Variants in SIPA1L1 observed in about 807,000 individuals in gnomAD.
The protein encoded by SIPA1L1 is signal-induced proliferation-associated 1-like protein 1.
Under a neutral mutation model 162.7 loss-of-function variants are expected in SIPA1L1, and 26 were observed. The ratio of observed to expected loss-of-function variants is 0.16; its 90% CI spans 0.12 to 0.22. The LOEUF (loss-of-function observed/expected upper bound fraction) is 0.22, where lower values mean the gene tolerates loss of function less well. Among genes scored for constraint, SIPA1L1 ranks in the 10% least tolerant of loss-of-function variants. SIPA1L1 has a pLI of 1.00. For missense variants in SIPA1L1, 1,874 were observed against 2,241.0 expected, an observed-to-expected ratio of 0.84 and a Z score of 3.31; for synonymous variants, 829 against 837.4, an observed-to-expected ratio of 0.99 and a Z score of 0.17.
intron 13 of SIPA1L1, among the ~76,000 whole-genome samples, chr14:71,691,025 C>G (rs1340792451): frequency 6.6e-6 from 1 of 152,204 alleles, no homozygotes; most frequent in African/African-American, 2.4e-5. Flanking sequence ...ACCTGAGTAT[C>G]CAGAGCAGAA....
intron 2 of SIPA1L1, among the ~76,000 whole-genome samples, chr14:71,486,429 A>T (rs969704258): frequency 6.6e-6 from 1 of 152,244 alleles, no homozygotes; most frequent in Non-Finnish European, 1.5e-5. Context: ...AAAGGAAAAC[A>T]GGCAAATGAG....
chr14:71,620,552 A>G (rs746232939), intron 6 of SIPA1L1, among the ~76,000 whole-genome samples: 6 of 151,932 alleles, frequency 3.9e-5, no homozygotes, highest in Non-Finnish European at 8.8e-5. Flanking sequence ...CCTATCCTTC[A>G]TGCCAGAGGT....
intron 2 of SIPA1L1, among the ~76,000 whole-genome samples, chr14:71,395,396 A>G (rs926452383): frequency 6.6e-5 from 10 of 152,150 alleles, no homozygotes; most frequent in African/African-American, 2.4e-4. Context: ...TGTGGTGGCC[A>G]TGTCTGTAAA....
Position 71,730,207 on chromosome 14 carries a change from C to T in SIPA1L1, c.4767C>T (p.Pro1589=). 1.9e-6 allele frequency: 3 copies of T among 1,614,170 alleles called. No individual in the cohort carries two copies. The highest frequency in any genetic ancestry group is 2.5e-6 in the Non-Finnish European group (3 of 1,180,028). The change falls in exon 20 of 24, where the codon CCC becomes CCT. Residue 1589 remains proline (P), a synonymous_variant. Transcript: ENST00000381232. ...SRASLLDQAL[P]NDVLFSSTYP... ...CGTCACTTCTGGACCAAGCCCTGCC[C>T]AACGACGTCCTCTTCAGTAGCACGT... is the stretch of plus-strand genomic sequence containing the variant.
At chr14:71,695,245 A>C (rs1192058602) in intron 13 of SIPA1L1, among the ~76,000 whole-genome samples, 2 of 152,208 alleles carry the variant, frequency 1.3e-5, no homozygotes, top group African/African-American at 4.8e-5. Flanking sequence ...GAGTCATAAA[A>C]ACATTTGGGT....
chr14:71,461,725 G>A (rs2046616898), intron 2 of SIPA1L1, among the ~76,000 whole-genome samples: 1 of 152,358 alleles, frequency 6.6e-6, no homozygotes, highest in Non-Finnish European at 1.5e-5. Flanking sequence ...CAGGTGCACT[G>A]CTTGAAGTTC....
chr14:71,556,944 A>G (rs935040388), intron 4 of SIPA1L1, among the ~76,000 whole-genome samples: 4 of 152,174 alleles, frequency 2.6e-5, no homozygotes, highest in Admixed American at 6.5e-5. Flanking sequence ...TTGATCCACA[A>G]TCAGATTAGA....
intron 7 of SIPA1L1, among the ~76,000 whole-genome samples, chr14:71,644,305 A>G (rs372572249): frequency 6.6e-6 from 1 of 152,204 alleles, no homozygotes; most frequent in African/African-American, 2.4e-5. Context: ...CAATCATGTA[A>G]TCATGGCTCA....
chr14:71,635,517 G>C lies in SIPA1L1; in HGVS notation c.1818+11281G>C, dbSNP rs182678306. 3.3e-5 allele frequency among the ~76,000 whole-genome samples: 5 copies of C among 152,112 alleles called. 1 individual carries two copies. The highest frequency in any genetic ancestry group is 5.9e-5 in the Non-Finnish European group (4 of 68,022). On this transcript the variant is annotated intron_variant, in intron 7 of 23. Transcript: ENST00000381232. ...AAGAGAGGTAAAGTTTCTACACTTC[G>C]CTTCAATTGGTAAAACGGTGCATGT...
chr14:71,512,924 C>T (rs1415342059), intron 3 of SIPA1L1, 79 bp downstream of exon 3: 1 of 152,224 alleles, frequency 6.6e-6, no homozygotes, highest in African/African-American at 2.4e-5. Context: ...TAGATAGTAA[C>T]TCCTTCAACC....
intron 2 of SIPA1L1, among the ~76,000 whole-genome samples, chr14:71,424,219 G>A (rs565022308): frequency 4.0e-4 from 61 of 152,012 alleles, no homozygotes; most frequent in African/African-American, 1.4e-3. Context: ...TATCACCTGT[G>A]GACAGAAGTA....
intron 4 of SIPA1L1, among the ~76,000 whole-genome samples, chr14:71,533,943 G>A (rs548869623): frequency 6.6e-6 from 1 of 152,148 alleles, no homozygotes; most frequent in Non-Finnish European, 1.5e-5. Flanking sequence ...TGCCAGTTTG[G>A]CTGAGTGCTG....
chr14:71,601,065 C>G (rs1429031691), intron 5 of SIPA1L1, among the ~76,000 whole-genome samples: 1 of 152,118 alleles, frequency 6.6e-6, no homozygotes, highest in Middle Eastern at 3.2e-3. Flanking sequence ...TTGACTTCAT[C>G]TTTTCCGATT....
At chr14:71,417,554 A>G (rs1221066796) in intron 2 of SIPA1L1, among the ~76,000 whole-genome samples, 2 of 148,226 alleles carry the variant, frequency 1.3e-5, no homozygotes, top group East Asian at 4.1e-4. Context: ...ATGGAAGTGG[A>G]TCATAAAGGT....
chr14:71,703,201 A>G (rs937284036), intron 15 of SIPA1L1, among the ~76,000 whole-genome samples: 10 of 152,236 alleles, frequency 6.6e-5, no homozygotes, highest in African/African-American at 2.2e-4. Flanking sequence ...CAGTTGGTGC[A>G]TCATTAACTT....
Position 71,699,036 on chromosome 14 carries a change from T to G in SIPA1L1, c.3430T>G (p.Ser1144Ala), listed in dbSNP as rs1353716174. 1 of 1,614,224 alleles carries G rather than the reference T, an allele frequency of 6.2e-7. No homozygotes were observed. Among genetic ancestry groups the G allele is most frequent in the Admixed American group, 1.7e-5 (1 of 60,024 alleles). The change falls in exon 14 of 24, where the codon TCC becomes GCC. Residue 1144 changes from serine to alanine, a missense_variant. By Grantham distance (99) the Ser-to-Ala change is moderately conservative (BLOSUM62 1). Coordinates refer to ENST00000381232, the MANE Select transcript of SIPA1L1 (RefSeq NM_001386936.1). ...GGTCTCATCCATGGCTTTAGCAAGA[T>G]CCCAGTGTCGGAACTCTCCTAGCAA... ...VTVSSMALARSQCRNSPSNLS... is the reference protein window; with the variant it reads ...VTVSSMALARAQCRNSPSNLS...
At chr14:71,366,273 C>A (rs1485528222) in intron 2 of SIPA1L1, among the ~76,000 whole-genome samples, 2 of 152,110 alleles carry the variant, frequency 1.3e-5, no homozygotes, top group Admixed American at 1.3e-4. Context: ...GACTCCTATT[C>A]TACTGCCTTT....
chr14:71,521,983 C>T (rs978574214), intron 3 of SIPA1L1, among the ~76,000 whole-genome samples: 1 of 152,164 alleles, frequency 6.6e-6, no homozygotes, highest in Non-Finnish European at 1.5e-5. Flanking sequence ...AGTCTGTCAT[C>T]TGGGATCATT....
intron 3 of SIPA1L1, among the ~76,000 whole-genome samples, chr14:71,523,913 A>G (rs1423743969): frequency 6.6e-6 from 1 of 152,192 alleles, no homozygotes; most frequent in Non-Finnish European, 1.5e-5. Flanking sequence ...TTGGCACCAC[A>G]AGATATTTCA....
Sources: allele counts gnomAD v4.1 joint callset (sites outside exome capture counted in the v4.1 genomes callset), GRCh38; gene constraint gnomAD v4.1.1; transcripts MANE v1.5; gene names NCBI Gene and HGNC (gene_info 2026-07-23, HGNC 2026-07-21).